The following GRIA2 variants were observed in gnomAD, a reference collection of about 807,000 sequenced individuals.
The protein encoded by GRIA2 is glutamate receptor 2.
Under a neutral mutation model 97.3 loss-of-function variants are expected in GRIA2, and 14 were observed. That is an observed-to-expected ratio of 0.14 (90% CI 0.10 to 0.23). The LOEUF (loss-of-function observed/expected upper bound fraction) is 0.23. Ranked by LOEUF, GRIA2 falls within the 10% of genes least tolerant of loss-of-function variation. GRIA2 has a pLI of 1.00. For missense variants in GRIA2, 558 were observed against 1,069.8 expected, an observed-to-expected ratio of 0.52 and a Z score of 6.67; for synonymous variants, 412 against 387.8, an observed-to-expected ratio of 1.06 and a Z score of -0.73.
At chr4:157,359,020 G>A (rs984062099) in intron 12 of GRIA2, among the ~76,000 whole-genome samples, 1 of 151,952 alleles carries the variant, frequency 6.6e-6, no homozygotes, top group Non-Finnish European at 1.5e-5. Flanking sequence ...TTCCCAAAAG[G>A]GATTAAAGTC....
intron 3 of GRIA2, among the ~76,000 whole-genome samples, chr4:157,310,617 T>A (rs1734037944): frequency 6.6e-6 from 1 of 152,128 alleles, no homozygotes; most frequent in Admixed American, 6.5e-5. Flanking sequence ...GAAAAAATGA[T>A]TTTTATATTT....
At chr4:157,296,096 C>T (rs1462075838) in intron 2 of GRIA2, among the ~76,000 whole-genome samples, 2 of 152,064 alleles carry the variant, frequency 1.3e-5, no homozygotes, top group Non-Finnish European at 2.9e-5. Flanking sequence ...GTAATGTCCC[C>T]TTTCTTGGTA....
chr4:157,336,493 G>A lies in GRIA2; in HGVS notation c.1590G>A (p.Lys530=), dbSNP rs1047075678. 6.2e-6 allele frequency: 10 copies of A among 1,613,254 alleles called. No homozygotes were observed. The highest frequency in any genetic ancestry group is 2.7e-5 in the African/African-American group (2 of 74,832). The change falls in exon 11 of 16, where the codon AAG becomes AAA. Residue 530 remains lysine, a synonymous_variant. Transcript: ENST00000264426. Reference sequence around the variant, plus strand: ...CTATCATGATCAAGAAGCCTCAGAAGTCCAAACCAGGAGTGTTTTCCTTTC... The same window carrying A: ...CTATCATGATCAAGAAGCCTCAGAAATCCAAACCAGGAGTGTTTTCCTTTC... The part of the protein sequence containing the change: ...GISIMIKKPQ[K]SKPGVFSFLD...
chr4:157,347,778 C>G (rs531500459), intron 12 of GRIA2, among the ~76,000 whole-genome samples: 28 of 152,236 alleles, frequency 1.8e-4, no homozygotes, highest in African/African-American at 6.5e-4. Flanking sequence ...GGGACCAAAT[C>G]TCAACTAGAT....
intron 12 of GRIA2, among the ~76,000 whole-genome samples, chr4:157,353,720 C>A (rs979528138): frequency 3.9e-5 from 6 of 151,900 alleles, no homozygotes; most frequent in Admixed American, 1.3e-4. Flanking sequence ...AACAAAAAAA[C>A]CTTATAGTTA....
At chr4:157,251,414 T>C (rs1035162049) in intron 2 of GRIA2, among the ~76,000 whole-genome samples, 1 of 152,090 alleles carries the variant, frequency 6.6e-6, no homozygotes, top group Non-Finnish European at 1.5e-5. Flanking sequence ...GGCATTTTAT[T>C]TTATTTTTTT....
Position 157,321,686 on chromosome 4 carries a change from T to C in GRIA2, c.882+87T>C, listed in dbSNP as rs1734577050. The C allele has an allele frequency of 1.7e-5, 15 of 857,356 alleles. No homozygotes were observed. The South Asian group carries it at 2.4e-4, about 13-fold the overall frequency. 53.1% of individuals were successfully genotyped at this position (857,356 alleles called of 1,614,324 possible). On this transcript the variant is annotated intron_variant, in intron 6 of 15. Coordinates refer to ENST00000264426, the MANE Select transcript of GRIA2 (RefSeq NM_001083619.3). ...CAAATAAGGAGGAAGGAGAAAATAA[T>C]AAAGGGAGTAGAGAGCACGTTTCAA...
intron 2 of GRIA2, among the ~76,000 whole-genome samples, chr4:157,283,514 A>G (rs180950557): frequency 4.8e-4 from 73 of 152,164 alleles, no homozygotes; most frequent in African/African-American, 1.7e-3. Flanking sequence ...TAAATTAAAT[A>G]AACCCTTAAT....
At chr4:157,252,673 A>G (rs887885242) in intron 2 of GRIA2, among the ~76,000 whole-genome samples, 1 of 152,134 alleles carries the variant, frequency 6.6e-6, no homozygotes, top group Non-Finnish European at 1.5e-5. Context: ...TTAGAGAATT[A>G]AGTGTGACTA....
chr4:157,334,052 A>C lies in GRIA2; in HGVS notation c.1198A>C (p.Thr400Pro), dbSNP rs780912098. 6.2e-7 allele frequency: 1 copy of C among 1,610,272 alleles called. No homozygotes were observed. The highest frequency in any genetic ancestry group is 1.1e-5 in the South Asian group (1 of 91,000). Reference sequence around the variant, plus strand: ...AGTGGACAAAATGGTTGTTACCCTTACTGAGCTCCCTTCTGGAAATGACAC... The same window carrying C: ...AGTGGACAAAATGGTTGTTACCCTTCCTGAGCTCCCTTCTGGAAATGACAC... ...SEVDKMVVTLTELPSGNDTSG... is the reference protein window; with the variant it reads ...SEVDKMVVTLPELPSGNDTSG... Residue 400 changes from threonine (T) to proline (P), a missense_variant, in exon 9 of 16, where the codon ACT becomes CCT. Around this residue, in one of 8 missense-constraint regions of GRIA2, gnomAD observed 66 missense variants for 118.7 expected, o/e 0.56. Transcript: ENST00000264426.
In GRIA2 at chr4:157,361,748, A is replaced by G; in HGVS notation, c.2406+624A>G. 1 of 814,982 alleles carries G rather than the reference A, an allele frequency of 1.2e-6. No homozygotes were observed. The allele number at this position is 814,982 out of a possible 1,614,324, so 50.5% of individuals were successfully genotyped here. ...TTAGTGGGAATGACCCATCTTAAAT[A>G]GAATGTAAATGCAAATATGCATGAG... On this transcript the variant is annotated intron_variant, in intron 14 of 15. Transcript: ENST00000264426. The surrounding 1 kb of genome is among the most constrained non-coding windows in gnomAD (Gnocchi z 5.2).
intron 2 of GRIA2, among the ~76,000 whole-genome samples, chr4:157,232,695 A>G (rs1288241514): frequency 6.6e-6 from 1 of 152,152 alleles, no homozygotes; most frequent in Admixed American, 6.5e-5. Context: ...TCATCTTTAT[A>G]TTTCAGAGCA....
chr4:157,277,892 A>ATATATATGTATATATG (rs1560743434), intron 2 of GRIA2, among the ~76,000 whole-genome samples: 176 of 72,914 alleles, frequency 2.4e-3, no homozygotes, highest in African/African-American at 8.8e-3. Context: ...GTATATATGT[A>ATATATATGTATATATG]TATATATATG....
At chr4:157,269,512 A>G (rs1329837941) in intron 2 of GRIA2, among the ~76,000 whole-genome samples, 1 of 152,092 alleles carries the variant, frequency 6.6e-6, no homozygotes, top group African/African-American at 2.4e-5. Flanking sequence ...AAGATCTCAA[A>G]GGGAACTAAG....
chr4:157,270,542 G>T (rs934284653), intron 2 of GRIA2, among the ~76,000 whole-genome samples: 1 of 152,012 alleles, frequency 6.6e-6, no homozygotes, highest in Non-Finnish European at 1.5e-5. Flanking sequence ...ACATATTTAA[G>T]ACTTTAAATC....
At chr4:157,312,224 A>G (rs1289806131) in intron 3 of GRIA2, among the ~76,000 whole-genome samples, 1 of 152,104 alleles carries the variant, frequency 6.6e-6, no homozygotes, top group Admixed American at 6.6e-5. Flanking sequence ...ATAGACTTAC[A>G]TAGATTCCTC....
At chr4:157,261,354 G>A (rs1731525266) in intron 2 of GRIA2, among the ~76,000 whole-genome samples, 2 of 152,056 alleles carry the variant, frequency 1.3e-5, no homozygotes, top group South Asian at 2.1e-4. Context: ...TGCACTAAAT[G>A]TTATTCCTAT....
intron 2 of GRIA2, 148 bp from the exon 3 acceptor site, chr4:157,303,404 A>G: frequency 1.5e-6 from 1 of 671,738 alleles, no homozygotes; most frequent in Non-Finnish European, 2.5e-6. Context: ...AATAAGTGTT[A>G]ATAAATTACA....
intron 2 of GRIA2, among the ~76,000 whole-genome samples, chr4:157,258,841 G>A (rs768055511): frequency 6.6e-6 from 1 of 151,938 alleles, no homozygotes; most frequent in South Asian, 2.1e-4. Flanking sequence ...AAGGACCCAC[G>A]TTGAATTATC....
Sources: gnomAD v4.1 joint callset for allele counts (sites outside exome capture counted in the v4.1 genomes callset) on GRCh38, gnomAD v4.1.1 for gene constraint, gnomAD v4.1.1 regional missense constraint, Gnocchi (gnomAD v3.1) non-coding constraint, MANE v1.5 for transcripts, NCBI Gene and HGNC (gene_info 2026-07-23, HGNC 2026-07-21) for gene names.